Variants in ARHGAP15 observed in about 807,000 individuals in gnomAD.
The protein encoded by ARHGAP15 is Rho GTPase activating protein 15, also known as rho GTPase-activating protein 15.
ARHGAP15 carries 51 observed loss-of-function variants against 63.7 expected under a neutral mutation model. The ratio of observed to expected loss-of-function variants is 0.80; its 90% CI spans 0.64 to 1.01. The LOEUF (loss-of-function observed/expected upper bound fraction) is 1.01. Ranked by LOEUF, ARHGAP15 falls within the 50% of genes least tolerant of loss-of-function variation. The pLI is 0.00. For synonymous variants in ARHGAP15, 191 were observed against 193.8 expected (o/e 0.99, Z 0.12); for missense variants, 560 against 564.6 (o/e 0.99, Z 0.08).
At chr2:143,483,798 T>A (rs1559001717) in intron 8 of ARHGAP15, among the ~76,000 whole-genome samples, 1 of 152,258 alleles carries the variant, frequency 6.6e-6, no homozygotes, top group Non-Finnish European at 1.5e-5. Flanking sequence ...CAAGGTCTTG[T>A]AAAAGCAATT....
chr2:143,692,301 C>G (rs1368904587), intron 12 of ARHGAP15, among the ~76,000 whole-genome samples: 1 of 152,132 alleles, frequency 6.6e-6, no homozygotes, highest in East Asian at 1.9e-4. Flanking sequence ...CTATGGTAAA[C>G]ATAACAGCGG....
chr2:143,673,784 A>G (rs1403254214), intron 12 of ARHGAP15, among the ~76,000 whole-genome samples: 17 of 114,210 alleles, frequency 1.5e-4, no homozygotes, highest in African/African-American at 4.6e-4. Flanking sequence ...ATATATATAT[A>G]AACAACTCCT....
At chr2:143,356,838 C>T (rs1685831504) in intron 6 of ARHGAP15, among the ~76,000 whole-genome samples, 2 of 152,062 alleles carry the variant, frequency 1.3e-5, no homozygotes. Context: ...GGTTCAGAAA[C>T]TCCTTATTTT....
chr2:143,671,205 A>T (rs1441570412), intron 12 of ARHGAP15, among the ~76,000 whole-genome samples: 1 of 152,088 alleles, frequency 6.6e-6, no homozygotes, highest in Non-Finnish European at 1.5e-5. Context: ...CTTTTGCAAA[A>T]TTATTATTTT....
intron 12 of ARHGAP15, among the ~76,000 whole-genome samples, chr2:143,685,026 A>G (rs929230306): frequency 2.0e-5 from 3 of 152,216 alleles, no homozygotes; most frequent in Non-Finnish European, 4.4e-5. Context: ...AGCCAAATAA[A>G]ATGTCAAATA....
rs34540164 is a variant in ARHGAP15 at position 143,386,839 on chromosome 2, A to ATT, written c.475-48753_475-48752dup. Among the ~76,000 whole-genome samples, 116 of 149,410 alleles carry ATT rather than the reference A, an allele frequency of 7.8e-4. 1 individual carries two copies. Among genetic ancestry groups the ATT allele is most frequent in the East Asian group, 2.7e-3 (14 of 5,130 alleles). The stretch of plus-strand genomic sequence containing the variant: ...CTTTTGTTGTTGTTGTTGGTTGTTT[A>ATT]TTTTTTTTTTGGTGGGAACATGGAT... On this transcript the variant is annotated intron_variant, in intron 6 of 13. Coordinates refer to ENST00000295095, the MANE Select transcript of ARHGAP15 (RefSeq NM_018460.4).
chr2:143,302,431 TTC>T (rs1220962239), intron 6 of ARHGAP15, among the ~76,000 whole-genome samples: 2 of 152,068 alleles, frequency 1.3e-5, no homozygotes, highest in Non-Finnish European at 2.9e-5. Flanking sequence ...CTAAAAATAA[TTC>T]TGACACTTTA....
At chr2:143,355,986 C>T (rs1685792388) in intron 6 of ARHGAP15, among the ~76,000 whole-genome samples, 1 of 151,868 alleles carries the variant, frequency 6.6e-6, no homozygotes, top group East Asian at 1.9e-4. Flanking sequence ...TTTGTCCTGT[C>T]ACCACTGACA....
chr2:143,706,471 T>C (rs1282188629), intron 13 of ARHGAP15: 3 of 152,174 alleles, frequency 2.0e-5, no homozygotes, highest in Non-Finnish European at 4.4e-5. Context: ...TTGACCTACG[T>C]ACTCTACAGT....
chr2:143,598,176 AGT>A (rs1697601355), intron 11 of ARHGAP15, among the ~76,000 whole-genome samples: 1 of 152,146 alleles, frequency 6.6e-6, no homozygotes, highest in Non-Finnish European at 1.5e-5. Flanking sequence ...TCCCAGCAGG[AGT>A]GTCTGAAATG....
rs1438744017 is a variant in ARHGAP15, at chr2:143,166,443, TA to T, written c.165+10789del. Among the ~76,000 whole-genome samples, 7 of 152,218 alleles carry T rather than the reference TA, an allele frequency of 4.6e-5. No individual in the cohort carries two copies. The East Asian group carries it at 1.4e-3, about 29-fold the overall frequency. ...TGTACATTTTTATTGGCACTAACAG[TA>T]TGTCAGAGACTCCTTTGAAGGCTGG... On this transcript the variant is annotated intron_variant, in intron 2 of 13. Transcript: ENST00000295095.
In ARHGAP15 at chr2:143,502,364, G is replaced by A. The variant is rs184784967; in HGVS notation, c.826+14869G>A. Among the ~76,000 whole-genome samples the A allele has an allele frequency of 9.9e-5, 15 of 151,898 alleles. No individual in the cohort carries two copies. The East Asian group carries it at 1.8e-3, about 18-fold the overall frequency. ...GCAGAGGTTGAAGTGAGCCAAGATCGCACCATTGCACTCCAGCCTGGGTGT... is the reference window on the plus strand; with the variant it reads ...GCAGAGGTTGAAGTGAGCCAAGATCACACCATTGCACTCCAGCCTGGGTGT... On this transcript the variant is annotated intron_variant, in intron 9 of 13. Transcript: ENST00000295095.
intron 5 of ARHGAP15, among the ~76,000 whole-genome samples, chr2:143,240,807 G>GA (rs1456721273): frequency 2.6e-5 from 4 of 152,096 alleles, no homozygotes; most frequent in African/African-American, 2.4e-5. Context: ...ACTTTGGAAG[G>GA]AAAAAATCAA....
At chr2:143,133,179 T>C (rs773274342) in intron 1 of ARHGAP15, among the ~76,000 whole-genome samples, 7 of 152,282 alleles carry the variant, frequency 4.6e-5, no homozygotes, top group Non-Finnish European at 8.8e-5. Context: ...TTGTGGTAGT[T>C]TTCAGGGAAA....
At chr2:143,136,314 A>G (rs1689138342) in intron 1 of ARHGAP15, among the ~76,000 whole-genome samples, 3 of 151,312 alleles carry the variant, frequency 2.0e-5, no homozygotes. Context: ...TCAGTCTAAT[A>G]CTTCTTTTAT....
chr2:143,520,296 C>T (rs760425233), intron 10 of ARHGAP15, among the ~76,000 whole-genome samples: 1 of 152,166 alleles, frequency 6.6e-6, no homozygotes, highest in Non-Finnish European at 1.5e-5. Flanking sequence ...TTAATTCTCT[C>T]AGTGTTACCT....
chr2:143,694,384 T>C (rs1171494630), intron 12 of ARHGAP15, among the ~76,000 whole-genome samples: 2 of 152,208 alleles, frequency 1.3e-5, no homozygotes, highest in Non-Finnish European at 2.9e-5. Flanking sequence ...CTTTGCTATG[T>C]AGGACCCATG....
intron 2 of ARHGAP15, chr2:143,162,370 T>G (rs1159187805): frequency 2.0e-5 from 3 of 151,992 alleles, no homozygotes; most frequent in Non-Finnish European, 2.9e-5. Context: ...CAGTGGGGTT[T>G]TTCTGTAGTT....
intron 4 of ARHGAP15, among the ~76,000 whole-genome samples, chr2:143,221,174 C>T (rs1692981752): frequency 1.3e-5 from 2 of 152,086 alleles, no homozygotes; most frequent in Non-Finnish European, 2.9e-5. Flanking sequence ...AAGTTTTCTA[C>T]TTATAAATCC....
Sources: allele counts gnomAD v4.1 joint callset (sites outside exome capture counted in the v4.1 genomes callset), GRCh38; gene constraint gnomAD v4.1.1; transcripts MANE v1.5; gene names NCBI Gene and HGNC (gene_info 2026-07-23, HGNC 2026-07-21).